The following JAZF1 variants were observed in gnomAD, a reference collection of about 807,000 sequenced individuals.
JAZF1 encodes the protein juxtaposed with another zinc finger protein 1.
A neutral mutation model predicts 26.4 loss-of-function variants in JAZF1; 8 were observed. That is an observed-to-expected ratio of 0.30 (90% CI 0.18 to 0.55). The LOEUF (loss-of-function observed/expected upper bound fraction) is 0.55, where lower values mean the gene tolerates loss of function less well. Among genes scored for constraint, JAZF1 ranks in the 20% least tolerant of loss-of-function variants. The probability of loss-of-function intolerance (pLI) is 0.94; values close to 1 mark genes in which losing one functional copy is unlikely to be tolerated. For missense variants in JAZF1, 199 were observed against 322.0 expected, an observed-to-expected ratio of 0.62 and a Z score of 2.92; for synonymous variants, 126 against 122.3, an observed-to-expected ratio of 1.03 and a Z score of -0.20.
chr7:28,180,398 G>C, intron 1 of JAZF1, 65 bp downstream of exon 1: 1 of 1,354,718 alleles, frequency 7.4e-7, no homozygotes, highest in Non-Finnish European at 1.0e-6. Context: ...GGCCATTCCG[G>C]GGCTCCCCGC....
At chr7:27,866,984 C>A (rs969930169) in intron 3 of JAZF1, among the ~76,000 whole-genome samples, 2 of 152,156 alleles carry the variant, frequency 1.3e-5, no homozygotes, top group African/African-American at 4.8e-5. Context: ...TCACTCTTAA[C>A]GACATGACTT....
chr7:28,046,420 A>G lies in JAZF1; in HGVS notation c.116-54439T>C, dbSNP rs554450651. On this transcript the variant is annotated intron_variant, in intron 1 of 4. Transcript: ENST00000283928. Reference sequence around the variant, plus strand: ...GGCTGCATGGCATTACATATAATGAATACTCCAAATTTTATTTAATCTGTT... The same window carrying G: ...GGCTGCATGGCATTACATATAATGAGTACTCCAAATTTTATTTAATCTGTT... Among the ~76,000 whole-genome samples, 28 of 152,330 alleles carry G rather than the reference A, an allele frequency of 1.8e-4. No individual in the cohort carries two copies. The South Asian group carries it at 4.8e-3, about 26-fold the overall frequency.
intron 1 of JAZF1, among the ~76,000 whole-genome samples, chr7:28,165,075 G>A (rs1206539694): frequency 2.6e-5 from 4 of 152,098 alleles, no homozygotes; most frequent in Admixed American, 2.6e-4. Context: ...AGGCTGAGGT[G>A]GGAGGATTGC....
chr7:27,870,075 ATTTTTTTTTTTTT>A (rs371770357), intron 3 of JAZF1, among the ~76,000 whole-genome samples: 8 of 120,640 alleles, frequency 6.6e-5, no homozygotes, highest in African/African-American at 2.6e-4. Flanking sequence ...CACCCGGTTA[ATTTTTTTTTTTTT>A]TTTTTTTTTT....
intron 3 of JAZF1, among the ~76,000 whole-genome samples, chr7:27,863,048 T>C (rs1393633933): frequency 6.6e-6 from 1 of 152,210 alleles, no homozygotes; most frequent in African/African-American, 2.4e-5. Context: ...CCGGCCTGCC[T>C]TGGGGACAGG....
At chr7:28,053,770 C>T (rs375959001) in intron 1 of JAZF1, among the ~76,000 whole-genome samples, 2 of 152,122 alleles carry the variant, frequency 1.3e-5, no homozygotes, top group Admixed American at 6.5e-5. Context: ...TGGAAAGGTA[C>T]GGAAAGAACT....
At chr7:27,925,973 T>C (rs1170395602) in intron 2 of JAZF1, among the ~76,000 whole-genome samples, 1 of 152,192 alleles carries the variant, frequency 6.6e-6, no homozygotes, top group African/African-American at 2.4e-5. Flanking sequence ...CCCTGTGGTA[T>C]GCAGAGCTGA....
At chr7:28,051,142 A>C (rs1325384438) in intron 1 of JAZF1, among the ~76,000 whole-genome samples, 16 of 149,300 alleles carry the variant, frequency 1.1e-4, no homozygotes, top group Admixed American at 2.0e-4. Context: ...AAAAAAAAAA[A>C]AAAAAAAAAA....
chr7:27,899,639 T>C (rs1273776937), intron 2 of JAZF1, among the ~76,000 whole-genome samples: 1 of 151,936 alleles, frequency 6.6e-6, no homozygotes, highest in Non-Finnish European at 1.5e-5. Context: ...CTCTCTATGT[T>C]GCCCAGGCTG....
chr7:27,868,068 C>T (rs1322410765), intron 3 of JAZF1, among the ~76,000 whole-genome samples: 1 of 152,210 alleles, frequency 6.6e-6, no homozygotes, highest in Non-Finnish European at 1.5e-5. Flanking sequence ...ATTTTCTTCT[C>T]TTGCTACAGA....
chr7:27,999,862 T>C (rs927297076), intron 1 of JAZF1, among the ~76,000 whole-genome samples: 1 of 152,104 alleles, frequency 6.6e-6, no homozygotes, highest in African/African-American at 2.4e-5. Flanking sequence ...CCATGGTAAA[T>C]GACTTTACCA....
intron 1 of JAZF1, among the ~76,000 whole-genome samples, chr7:28,067,834 G>C (rs369384954): frequency 6.6e-6 from 1 of 152,274 alleles, no homozygotes; most frequent in South Asian, 2.1e-4. Context: ...GTGCCGAGGC[G>C]AGGAACAGAA....
chr7:28,029,797 T>A (rs1361883122), intron 1 of JAZF1, among the ~76,000 whole-genome samples: 1 of 152,196 alleles, frequency 6.6e-6, no homozygotes, highest in Non-Finnish European at 1.5e-5. Context: ...GGTGAAGAAC[T>A]ATACAGTCAG....
chr7:27,837,973 T>G (rs1336673605), intron 4 of JAZF1, among the ~76,000 whole-genome samples: 1 of 151,916 alleles, frequency 6.6e-6, no homozygotes, highest in African/African-American at 2.4e-5. Flanking sequence ...GGAATCTACA[T>G]TAACAAGCTA....
At chr7:28,101,913 T>C (rs1390348638) in intron 1 of JAZF1, among the ~76,000 whole-genome samples, 1 of 152,010 alleles carries the variant, frequency 6.6e-6, no homozygotes, top group Admixed American at 6.6e-5. Context: ...CGGCATGGGA[T>C]GCTTTTAGAT....
intron 3 of JAZF1, among the ~76,000 whole-genome samples, chr7:27,855,006 C>T (rs1409544065): frequency 6.6e-6 from 1 of 152,206 alleles, no homozygotes; most frequent in African/African-American, 2.4e-5. Flanking sequence ...ACCAATCAAA[C>T]ATAGGTTCGG....
chr7:28,083,979 T>G (rs757894268), intron 1 of JAZF1, among the ~76,000 whole-genome samples: 2 of 152,064 alleles, frequency 1.3e-5, no homozygotes. Context: ...ATAAAGCAAA[T>G]AGTGAAATAG....
chr7:28,053,786 G>A (rs1258456463), intron 1 of JAZF1, among the ~76,000 whole-genome samples: 1 of 152,060 alleles, frequency 6.6e-6, no homozygotes, highest in Non-Finnish European at 1.5e-5. Context: ...GAACTGGAGG[G>A]GGCTAAGAAG....
intron 1 of JAZF1, among the ~76,000 whole-genome samples, chr7:28,162,668 C>G (rs769244155): frequency 6.6e-6 from 1 of 152,186 alleles, no homozygotes. Flanking sequence ...TTAAGTCTTG[C>G]AGACACACCA....
Sources: allele counts gnomAD v4.1 joint callset (sites outside exome capture counted in the v4.1 genomes callset), GRCh38; gene constraint gnomAD v4.1.1; transcripts MANE v1.5; gene names NCBI Gene and HGNC (gene_info 2026-07-23, HGNC 2026-07-21).